Variants in GUCY1A2 observed in about 807,000 individuals in gnomAD.
The protein encoded by GUCY1A2 is guanylate cyclase soluble subunit alpha-2.
A neutral mutation model predicts 63.5 loss-of-function variants in GUCY1A2; 27 were observed. That is an observed-to-expected ratio of 0.43 (90% CI 0.31 to 0.59). The LOEUF is 0.59. GUCY1A2 is among the 20% of genes least tolerant of loss of function. The pLI is 0.11. For synonymous variants in GUCY1A2, 364 were observed against 343.5 expected (o/e 1.06, Z -0.66); for missense variants, 768 against 913.3 (o/e 0.84, Z 2.05).
At position 106,978,560 on chromosome 11, in the gene GUCY1A2, C is replaced by T. The variant is rs1352672970; in HGVS notation, c.487+59G>A. On this transcript the variant is annotated intron_variant, in intron 3 of 7. Transcript: ENST00000526355. The stretch of plus-strand genomic sequence containing the variant: ...TTGGTAGAACATGAAACACTTCCAC[C>T]TCGACTTTCCCTCTCTTTCATTCTC... 5 of 1,201,228 alleles carry T rather than the reference C, an allele frequency of 4.2e-6. No individual in the cohort carries two copies. The Admixed American group carries it at 8.5e-5, about 20-fold the overall frequency. 74.4% of individuals were successfully genotyped at this position (1,201,228 alleles called of 1,614,324 possible).
chr11:106,900,020 A>G (rs1860107161), intron 4 of GUCY1A2, among the ~76,000 whole-genome samples: 1 of 149,428 alleles, frequency 6.7e-6, no homozygotes, highest in Non-Finnish European at 1.5e-5. Flanking sequence ...CGGGAGGCAG[A>G]GCTTGCAGTG....
chr11:106,884,200 A>C (rs1037718042), intron 4 of GUCY1A2, among the ~76,000 whole-genome samples: 3 of 152,168 alleles, frequency 2.0e-5, no homozygotes, highest in African/African-American at 7.2e-5. Context: ...GAAAGGAAGA[A>C]AGAAAGAAAG....
At chr11:106,892,962 G>C (rs1156958170) in intron 4 of GUCY1A2, among the ~76,000 whole-genome samples, 1 of 152,108 alleles carries the variant, frequency 6.6e-6, no homozygotes, top group Non-Finnish European at 1.5e-5. Flanking sequence ...TGTGTTTAGA[G>C]ACTAGAAAAG....
At chr11:106,944,759 C>T (rs1328926873) in intron 3 of GUCY1A2, among the ~76,000 whole-genome samples, 6 of 152,170 alleles carry the variant, frequency 3.9e-5, no homozygotes, top group Middle Eastern at 3.4e-3. Context: ...TACTCTGAAA[C>T]GAATTTTTTC....
chr11:106,699,015 G>A (rs1423119472), intron 7 of GUCY1A2, among the ~76,000 whole-genome samples: 3 of 152,032 alleles, frequency 2.0e-5, no homozygotes, highest in African/African-American at 7.2e-5. Context: ...TAATCATAAG[G>A]CTTAAATGTA....
chr11:107,006,380 C>T (rs938325303), intron 1 of GUCY1A2, among the ~76,000 whole-genome samples: 1 of 152,018 alleles, frequency 6.6e-6, no homozygotes, highest in African/African-American at 2.4e-5. Flanking sequence ...AAGTTATTTC[C>T]CCAAAGTCAA....
rs191796865 is a variant in GUCY1A2 at position 106,676,134 on chromosome 11, A to G, written c.*11415T>C. 5.5e-3 allele frequency: 1,007 copies of G among 181,456 alleles called. 14 individuals carry two copies. The highest frequency in any genetic ancestry group is 0.022 in the African/African-American group (946 of 42,576). The allele number at this position is 181,456 out of a possible 1,614,324, so 11.2% of individuals were successfully genotyped here. On this transcript the variant is annotated 3_prime_UTR_variant, in exon 8 of 8. Coordinates refer to ENST00000526355, the MANE Select transcript of GUCY1A2 (RefSeq NM_000855.3). ...TCTTAATACATAAAAATAAAAAACC[A>G]GAAAGAATACAATTTTAAGTTTGGG... is the stretch of plus-strand genomic sequence containing the variant.
intron 6 of GUCY1A2, among the ~76,000 whole-genome samples, chr11:106,747,667 A>T (rs193051002): frequency 6.6e-6 from 1 of 152,282 alleles, no homozygotes; most frequent in East Asian, 1.9e-4. Context: ...GAAGATAATC[A>T]ATTACAACTG....
At chr11:106,828,655 A>C (rs1441001712) in intron 4 of GUCY1A2, among the ~76,000 whole-genome samples, 1 of 152,224 alleles carries the variant, frequency 6.6e-6, no homozygotes, top group Non-Finnish European at 1.5e-5. Flanking sequence ...AGGCATGGAG[A>C]GGAAGACAAC....
chr11:106,748,252 G>C (rs146033461), intron 6 of GUCY1A2, among the ~76,000 whole-genome samples: 5 of 150,902 alleles, frequency 3.3e-5, no homozygotes, highest in African/African-American at 1.2e-4. Flanking sequence ...CTTTCTCTAT[G>C]AAAAGAGAAA....
chr11:106,733,836 A>G (rs1392489407), intron 6 of GUCY1A2, among the ~76,000 whole-genome samples: 1 of 152,056 alleles, frequency 6.6e-6, no homozygotes, highest in Non-Finnish European at 1.5e-5. Context: ...AAACTTGGAT[A>G]TCGAAGGCAA....
At chr11:106,821,631 G>C (rs180871152) in intron 4 of GUCY1A2, among the ~76,000 whole-genome samples, 22 of 152,088 alleles carry the variant, frequency 1.4e-4, no homozygotes, top group South Asian at 2.1e-4. Context: ...TTTTTTCAAG[G>C]AAATATTACA....
intron 6 of GUCY1A2, among the ~76,000 whole-genome samples, chr11:106,714,033 A>C (rs11211879): frequency 0.034 from 5,215 of 151,810 alleles, 199 homozygotes; most frequent in Admixed American, 0.12. Context: ...TTAAAAAAAA[A>C]AAACAAACTC....
intron 4 of GUCY1A2, among the ~76,000 whole-genome samples, chr11:106,860,651 A>G (rs1252686001): frequency 6.6e-6 from 1 of 152,004 alleles, no homozygotes; most frequent in Admixed American, 6.6e-5. Context: ...CTGGTGACCC[A>G]GATTTTGTGG....
At chr11:106,724,118 T>C (rs909682727) in intron 6 of GUCY1A2, among the ~76,000 whole-genome samples, 1 of 152,196 alleles carries the variant, frequency 6.6e-6, no homozygotes, top group Non-Finnish European at 1.5e-5. Context: ...CCATGGCACC[T>C]GCCTTGTGGA....
chr11:106,926,171 G>A, intron 4 of GUCY1A2, among the ~76,000 whole-genome samples: 1 of 152,122 alleles, frequency 6.6e-6, no homozygotes, highest in South Asian at 2.1e-4. Flanking sequence ...TATAATCATA[G>A]CAATTTGAGA....
chr11:106,963,335 T>C (rs1469127659), intron 3 of GUCY1A2, among the ~76,000 whole-genome samples: 1 of 152,200 alleles, frequency 6.6e-6, no homozygotes, highest in Non-Finnish European at 1.5e-5. Flanking sequence ...AAGCTACATG[T>C]CCGTGTATAG....
intron 6 of GUCY1A2, among the ~76,000 whole-genome samples, chr11:106,722,736 C>A (rs1863337319): frequency 2.0e-5 from 3 of 151,792 alleles, no homozygotes; most frequent in Admixed American, 2.0e-4. Context: ...TCAGAAAGAG[C>A]ACCTGCTAAA....
intron 3 of GUCY1A2, among the ~76,000 whole-genome samples, chr11:106,963,016 C>T (rs1185730261): frequency 1.3e-5 from 2 of 152,038 alleles, no homozygotes; most frequent in Non-Finnish European, 2.9e-5. Context: ...ACACTAAACA[C>T]CAACTTAGTG....
Sources: gnomAD v4.1 joint callset for allele counts (sites outside exome capture counted in the v4.1 genomes callset) on GRCh38, gnomAD v4.1.1 for gene constraint, MANE v1.5 for transcripts, NCBI Gene and HGNC (gene_info 2026-07-23, HGNC 2026-07-21) for gene names.